The following ARID1B variants were observed in gnomAD, a reference collection of about 807,000 sequenced individuals.
The protein encoded by ARID1B is AT-rich interaction domain 1B.
In ARID1B, 30 loss-of-function variants were observed where a neutral mutation model predicts 212.3. The ratio of observed to expected loss-of-function variants is 0.14; its 90% CI spans 0.11 to 0.19. The LOEUF is 0.19. Among genes scored for constraint, ARID1B ranks in the 10% least tolerant of loss-of-function variants. ARID1B has a pLI of 1.00. For missense variants in ARID1B, 2,891 were observed against 3,204.0 expected (o/e 0.90, Z 2.36); for synonymous variants, 1,402 against 1,301.7 (o/e 1.08, Z -1.66).
At chr6:156,838,953 C>G (rs1383679368) in intron 2 of ARID1B, among the ~76,000 whole-genome samples, 1 of 152,062 alleles carries the variant, frequency 6.6e-6, no homozygotes, top group Non-Finnish European at 1.5e-5. Flanking sequence ...GATCTTCAGG[C>G]ATCCCAATAG....
chr6:157,087,549 G>A (rs6941976), intron 5 of ARID1B, among the ~76,000 whole-genome samples: 7 of 152,254 alleles, frequency 4.6e-5, no homozygotes, highest in South Asian at 4.1e-4. Context: ...TGATTCTTAC[G>A]ATGTTACGTT....
intron 8 of ARID1B, among the ~76,000 whole-genome samples, chr6:157,157,798 G>T (rs1411926978): frequency 6.6e-6 from 1 of 152,212 alleles, no homozygotes; most frequent in African/African-American, 2.4e-5. Context: ...CAAGGTAGGA[G>T]AATTGCTTGA....
chr6:156,781,757 C>A lies in ARID1B; in HGVS notation c.1791+2286C>A, dbSNP rs1394765724. On this transcript the variant is annotated intron_variant, in intron 1 of 19. Coordinates refer to ENST00000636930, the MANE Select transcript of ARID1B (RefSeq NM_001374828.1). ...GAGAAGAATCATGGAAATAAACCCA[C>A]GTAATTAATTTTAAAAAGGTTTGCT... is the stretch of plus-strand genomic sequence containing the variant. Among the ~76,000 whole-genome samples the A allele has an allele frequency of 2.6e-5, 4 of 151,982 alleles. No homozygotes were observed. The East Asian group carries it at 7.7e-4, about 29-fold the overall frequency.
At chr6:156,806,218 C>A (rs1383362257) in intron 1 of ARID1B, among the ~76,000 whole-genome samples, 1 of 152,136 alleles carries the variant, frequency 6.6e-6, no homozygotes, top group East Asian at 1.9e-4. Context: ...GATAAACTCA[C>A]GTTCAGCACA....
intron 4 of ARID1B, among the ~76,000 whole-genome samples, chr6:156,999,813 G>A (rs1199806668): frequency 3.3e-5 from 5 of 152,222 alleles, no homozygotes; most frequent in South Asian, 2.1e-4. Context: ...GATTACAGGC[G>A]TGAGCCACCA....
At chr6:157,181,221 G>A (rs1332125685) in intron 12 of ARID1B, 43 bp downstream of exon 12, 2 of 1,600,752 alleles carry the variant, frequency 1.2e-6, no homozygotes, top group Non-Finnish European at 1.7e-6. Flanking sequence ...AAGCATTGTG[G>A]ATAAGTTCTT....
intron 4 of ARID1B, among the ~76,000 whole-genome samples, chr6:156,972,394 T>G (rs942165941): frequency 6.6e-6 from 1 of 152,206 alleles, no homozygotes; most frequent in African/African-American, 2.4e-5. Context: ...GGACGAGCTG[T>G]CCACTTTATC....
chr6:156,845,661 C>G (rs956561915), intron 2 of ARID1B, among the ~76,000 whole-genome samples: 2 of 152,092 alleles, frequency 1.3e-5, no homozygotes, highest in Admixed American at 6.5e-5. Flanking sequence ...AACTTGATCT[C>G]CTTGATTTCT....
At chr6:157,074,099 CA>C (rs2128438421) in intron 4 of ARID1B, among the ~76,000 whole-genome samples, 1 of 152,266 alleles carries the variant, frequency 6.6e-6, no homozygotes, top group African/African-American at 2.4e-5. Flanking sequence ...ATACAAATAT[CA>C]AAAAGAAAAC....
At chr6:156,929,697 A>G (rs987469793) in intron 3 of ARID1B, among the ~76,000 whole-genome samples, 1 of 152,198 alleles carries the variant, frequency 6.6e-6, no homozygotes, top group South Asian at 2.1e-4. Flanking sequence ...AAATAACATG[A>G]CAGTTATCAC....
chr6:157,184,497 C>G (rs763367168), intron 13 of ARID1B, 62 bp downstream of exon 13: 3 of 1,591,544 alleles, frequency 1.9e-6, no homozygotes, highest in Non-Finnish European at 2.6e-6. Context: ...TGGGAGGTTC[C>G]GGGAAGGTGG....
At chr6:156,930,586 T>C (rs781227803) in intron 3 of ARID1B, among the ~76,000 whole-genome samples, 8 of 152,218 alleles carry the variant, frequency 5.3e-5, no homozygotes, top group Admixed American at 2.0e-4. Context: ...TGTGAAGATA[T>C]ATGCGTAAGG....
At chr6:157,091,429 G>A (rs1389483933) in intron 5 of ARID1B, among the ~76,000 whole-genome samples, 1 of 152,210 alleles carries the variant, frequency 6.6e-6, no homozygotes, top group African/African-American at 2.4e-5. Context: ...CGATATAGCT[G>A]CAGATACAAA....
At chr6:156,945,233 CTTTTTTTTTTTTTTTTTTTTTT>C (rs1164805779) in intron 4 of ARID1B, among the ~76,000 whole-genome samples, 4 of 32,646 alleles carry the variant, frequency 1.2e-4, no homozygotes, top group Non-Finnish European at 1.7e-4. Context: ...CCGCATCCGG[CTTTTTTTTTTTTTTTTTTTTTT>C]TTTTTTTTTT....
chr6:157,171,771 T>C (rs571384284), intron 9 of ARID1B, among the ~76,000 whole-genome samples: 1 of 152,312 alleles, frequency 6.6e-6, no homozygotes, highest in Admixed American at 6.5e-5. Flanking sequence ...AGACCAACAA[T>C]GTGTTTATAT....
At chr6:156,841,446 T>A (rs760771453) in intron 2 of ARID1B, among the ~76,000 whole-genome samples, 2 of 152,192 alleles carry the variant, frequency 1.3e-5, no homozygotes, top group Non-Finnish European at 2.9e-5. Flanking sequence ...TTGATGATGA[T>A]GATGACAGGA....
At chr6:156,791,916 T>C (rs1780040778) in intron 1 of ARID1B, among the ~76,000 whole-genome samples, 1 of 152,208 alleles carries the variant, frequency 6.6e-6, no homozygotes, top group Non-Finnish European at 1.5e-5. Context: ...CCAAACTATA[T>C]TTTTGAAATC....
At chr6:156,861,776 GAAGTCTGTA>G (rs1475837532) in intron 2 of ARID1B, among the ~76,000 whole-genome samples, 1 of 152,148 alleles carries the variant, frequency 6.6e-6, no homozygotes, top group Non-Finnish European at 1.5e-5. Flanking sequence ...AGGCAGCTAT[GAAGTCTGTA>G]CTCTAGAAGG....
chr6:156,847,795 C>T (rs1038435251), intron 2 of ARID1B, among the ~76,000 whole-genome samples: 10 of 152,070 alleles, frequency 6.6e-5, no homozygotes, highest in East Asian at 1.9e-4. Flanking sequence ...ATATTTAGTT[C>T]GAAAAGAAAT....
Sources: allele counts gnomAD v4.1 joint callset (sites outside exome capture counted in the v4.1 genomes callset), GRCh38; gene constraint gnomAD v4.1.1; transcripts MANE v1.5; gene names NCBI Gene and HGNC (gene_info 2026-07-23, HGNC 2026-07-21).